Variants in CDH13 observed in about 807,000 individuals in gnomAD.
CDH13 encodes cadherin-13.
In CDH13, 24 loss-of-function variants were observed where a neutral mutation model predicts 63.8. The observed-to-expected ratio is 0.38, with a 90% confidence interval of 0.27 to 0.53. CDH13 has a LOEUF of 0.53. CDH13 is among the 20% of genes least tolerant of loss of function. The pLI, the probability that CDH13 is intolerant of heterozygous loss-of-function variation, is 0.85. For synonymous variants in CDH13, 503 were observed against 355.3 expected, an observed-to-expected ratio of 1.42 and a Z score of -4.67; for missense variants, 1,049 against 903.1, an observed-to-expected ratio of 1.16 and a Z score of -2.07.
In CDH13 at chr16:83,180,725, T is replaced by G. The variant is rs2038317676; in HGVS notation, c.484-36620T>G. The G allele has an allele frequency of 4.8e-6, 3 of 628,092 alleles. No homozygotes were observed. The East Asian group carries it at 8.3e-5, about 17-fold the overall frequency. 38.9% of individuals were successfully genotyped at this position (628,092 alleles called of 1,614,324 possible). ...AATTATTAGACTATGCATGCCAATT[T>G]TAATTCTAGAAAAACGGTCACTCTA... On this transcript the variant is annotated intron_variant, in intron 4 of 13. Coordinates refer to ENST00000567109, the MANE Select transcript of CDH13 (RefSeq NM_001257.5).
At chr16:82,930,196 C>G (rs933458054) in intron 2 of CDH13, among the ~76,000 whole-genome samples, 2 of 151,962 alleles carry the variant, frequency 1.3e-5, no homozygotes, top group African/African-American at 4.8e-5. Flanking sequence ...AGGCTGGTCT[C>G]GAACTCCTGG....
At chr16:82,917,913 T>TAA (rs2042039337) in intron 2 of CDH13, among the ~76,000 whole-genome samples, 1 of 76,816 alleles carries the variant, frequency 1.3e-5, no homozygotes, top group Admixed American at 1.4e-4. Flanking sequence ...AGACTCCATG[T>TAA]CAAAAAAAAA....
intron 3 of CDH13, among the ~76,000 whole-genome samples, chr16:83,065,122 C>G (rs1597257543): frequency 2.0e-5 from 3 of 152,078 alleles, no homozygotes; most frequent in Admixed American, 6.6e-5. Flanking sequence ...TGTGCCTTAG[C>G]CATATTTGTA....
chr16:83,736,576 C>T (rs1225032050), intron 10 of CDH13, among the ~76,000 whole-genome samples: 3 of 151,246 alleles, frequency 2.0e-5, no homozygotes, highest in Non-Finnish European at 2.9e-5. Flanking sequence ...TGCAAAGACA[C>T]TTATAAAGTT....
intron 6 of CDH13, among the ~76,000 whole-genome samples, chr16:83,372,373 C>T (rs2091383230): frequency 6.6e-6 from 1 of 152,124 alleles, no homozygotes; most frequent in Admixed American, 6.5e-5. Context: ...TGGTACTTGG[C>T]ATAAGGACGT....
chr16:83,646,734 C>CAT (rs1308707461), intron 8 of CDH13, among the ~76,000 whole-genome samples: 1 of 147,450 alleles, frequency 6.8e-6, no homozygotes, highest in African/African-American at 2.5e-5. Context: ...CACACACACA[C>CAT]ACACAGTTGT....
intron 5 of CDH13, among the ~76,000 whole-genome samples, chr16:83,321,200 A>G (rs1437871245): frequency 6.6e-6 from 1 of 152,196 alleles, no homozygotes; most frequent in East Asian, 1.9e-4. Context: ...TTGTGAAACA[A>G]TTGTCTATTA....
At chr16:83,088,253 T>C (rs1016761232) in intron 3 of CDH13, among the ~76,000 whole-genome samples, 14 of 152,146 alleles carry the variant, frequency 9.2e-5, no homozygotes, top group Admixed American at 4.6e-4. Flanking sequence ...GCTGAGGGTG[T>C]CTTGTTGAGT....
In CDH13 at chr16:83,727,056, T is replaced by G. The variant is rs746757831; in HGVS notation, c.1539-21052T>G. Among the ~76,000 whole-genome samples the G allele has an allele frequency of 8.5e-5, 13 of 152,206 alleles. 1 individual carries two copies. Among genetic ancestry groups the G allele is most frequent in the Admixed American group, 8.5e-4 (13 of 15,284 alleles). The stretch of plus-strand genomic sequence containing the variant: ...TTCACATACCGTACAATTCACCCAT[T>G]TAAAATATACAATTCAATGGTTTTT... On this transcript the variant is annotated intron_variant, in intron 10 of 13. Transcript: ENST00000567109.
At chr16:82,634,658 G>T (rs578052666) in intron 1 of CDH13, among the ~76,000 whole-genome samples, 94 of 152,290 alleles carry the variant, frequency 6.2e-4, no homozygotes, top group African/African-American at 2.2e-3. Context: ...AGACTGTCTG[G>T]CCCCTGAAGC....
chr16:83,303,997 A>C (rs958326954), intron 5 of CDH13, among the ~76,000 whole-genome samples: 2 of 152,094 alleles, frequency 1.3e-5, no homozygotes, highest in African/African-American at 4.8e-5. Flanking sequence ...TCTAGTCTCT[A>C]TGTGTTAGAG....
chr16:83,565,302 C>A (rs1027073051), intron 7 of CDH13, among the ~76,000 whole-genome samples: 1 of 151,972 alleles, frequency 6.6e-6, no homozygotes, highest in Non-Finnish European at 1.5e-5. Context: ...CTCATCTGCG[C>A]TATAGGCACA....
At chr16:82,751,407 C>A (rs1209420860) in intron 1 of CDH13, among the ~76,000 whole-genome samples, 1 of 152,124 alleles carries the variant, frequency 6.6e-6, no homozygotes, top group African/African-American at 2.4e-5. Context: ...CCTCCTCCTG[C>A]CTCCTCACTT....
chr16:83,359,500 G>A lies in CDH13; in HGVS notation c.781+14494G>A, dbSNP rs2151383941. On this transcript the variant is annotated intron_variant, in intron 6 of 13. Transcript: ENST00000567109. ...GCTTGCAGGAGTTGGAAAGACTCTAGAGACCCATGGAGCTGAATTCTAGTC... is the reference window on the plus strand; with the variant it reads ...GCTTGCAGGAGTTGGAAAGACTCTAAAGACCCATGGAGCTGAATTCTAGTC... Among the ~76,000 whole-genome samples, 2 of 152,238 alleles carry A rather than the reference G, an allele frequency of 1.3e-5. 1 individual carries two copies. Among genetic ancestry groups the A allele is most frequent in the South Asian group, 4.1e-4 (2 of 4,826 alleles).
chr16:83,557,014 T>A (rs2075617059), intron 7 of CDH13, among the ~76,000 whole-genome samples: 2 of 152,278 alleles, frequency 1.3e-5, no homozygotes, highest in South Asian at 2.1e-4. Flanking sequence ...GCAGGAGAGG[T>A]GAGCAGTGGG....
intron 5 of CDH13, among the ~76,000 whole-genome samples, chr16:83,230,013 T>C (rs1376514339): frequency 6.6e-6 from 1 of 152,162 alleles, no homozygotes; most frequent in Non-Finnish European, 1.5e-5. Context: ...TCTTTTGAAA[T>C]TGATTGTGTC....
intron 7 of CDH13, among the ~76,000 whole-genome samples, chr16:83,507,272 C>G (rs187805315): frequency 6.6e-6 from 1 of 152,170 alleles, no homozygotes; most frequent in African/African-American, 2.4e-5. Flanking sequence ...TCTGTCGATT[C>G]TAGGCTTCTT....
At chr16:83,082,001 T>C (rs928862164) in intron 3 of CDH13, among the ~76,000 whole-genome samples, 1 of 152,118 alleles carries the variant, frequency 6.6e-6, no homozygotes, top group South Asian at 2.1e-4. Context: ...GGTTTCTTCA[T>C]GTTGGTCAGG....
chr16:83,363,504 C>A (rs998998106), intron 6 of CDH13, among the ~76,000 whole-genome samples: 3 of 152,168 alleles, frequency 2.0e-5, no homozygotes, highest in Non-Finnish European at 4.4e-5. Context: ...AAGAAACCAG[C>A]ATTTCCCAAG....
Sources: allele counts gnomAD v4.1 joint callset (sites outside exome capture counted in the v4.1 genomes callset), GRCh38; gene constraint gnomAD v4.1.1; transcripts MANE v1.5; gene names NCBI Gene and HGNC (gene_info 2026-07-23, HGNC 2026-07-21).